KANK1: variants seen among roughly 807,000 people sequenced by gnomAD.
KANK1 encodes KN motif and ankyrin repeat domain-containing protein 1.
A neutral mutation model predicts 106.2 loss-of-function variants in KANK1; 109 were observed. That is an observed-to-expected ratio of 1.03 (90% confidence interval 0.88 to 1.20). The LOEUF (loss-of-function observed/expected upper bound fraction) is 1.20, where lower values mean the gene tolerates loss of function less well. KANK1 is among the 50% of genes most tolerant of loss of function. The pLI, the probability that KANK1 is intolerant of heterozygous loss-of-function variation, is 0.00. For synonymous variants in KANK1, 873 were observed against 652.2 expected, an observed-to-expected ratio of 1.34 and a Z score of -5.16; for missense variants, 2,399 against 1,710.7, an observed-to-expected ratio of 1.40 and a Z score of -7.10.
At chr9:529,149 C>T (rs1462010619) in intron 1 of KANK1, among the ~76,000 whole-genome samples, 3 of 151,814 alleles carry the variant, frequency 2.0e-5, no homozygotes, top group Non-Finnish European at 4.4e-5. Flanking sequence ...AAGCCACCCA[C>T]TTCCTGTACT....
chr9:592,801 T>C (rs1825297124), intron 1 of KANK1, among the ~76,000 whole-genome samples: 3 of 151,966 alleles, frequency 2.0e-5, no homozygotes, highest in Admixed American at 2.0e-4. Context: ...TAGAGAGTCC[T>C]TACTCAAAGT....
intron 3 of KANK1, among the ~76,000 whole-genome samples, chr9:485,880 A>G (rs2058285066): frequency 6.6e-6 from 1 of 150,892 alleles, no homozygotes; most frequent in Non-Finnish European, 1.5e-5. Context: ...AAAAAAAAAA[A>G]AAAAAAGAAA....
chr9:540,209 T>C (rs540252147), intron 1 of KANK1, among the ~76,000 whole-genome samples: 5 of 152,364 alleles, frequency 3.3e-5, no homozygotes, highest in Non-Finnish European at 7.4e-5. Flanking sequence ...GTCCATTCTT[T>C]ATACCTAATC....
intron 2 of KANK1, among the ~76,000 whole-genome samples, chr9:681,386 G>A (rs1563978909): frequency 2.0e-5 from 3 of 152,152 alleles, no homozygotes; most frequent in Admixed American, 6.5e-5. Context: ...TCTTTGGGGT[G>A]TAGGGATGAG....
At chr9:593,346 G>T (rs1481753590) in intron 1 of KANK1, among the ~76,000 whole-genome samples, 1 of 151,516 alleles carries the variant, frequency 6.6e-6, no homozygotes, top group Non-Finnish European at 1.5e-5. Context: ...AAGGATTCTT[G>T]TATCCCACTT....
chr9:632,772 C>G (rs1254549462), intron 1 of KANK1, among the ~76,000 whole-genome samples: 1 of 150,838 alleles, frequency 6.6e-6, no homozygotes, highest in Non-Finnish European at 1.5e-5. Flanking sequence ...TCACTGCAGC[C>G]TACACCTCCT....
chr9:615,595 C>G (rs1268175375), intron 1 of KANK1, among the ~76,000 whole-genome samples: 2 of 152,198 alleles, frequency 1.3e-5, no homozygotes, highest in Non-Finnish European at 2.9e-5. Context: ...AGCACAGAGT[C>G]AGTCCCATAG....
chr9:533,909 C>T (rs1166312495), intron 1 of KANK1, among the ~76,000 whole-genome samples: 1 of 152,216 alleles, frequency 6.6e-6, no homozygotes, highest in Non-Finnish European at 1.5e-5. Context: ...CCACCAGGCA[C>T]ATTATCTTTT....
At chr9:530,862 C>T (rs1299919592) in intron 1 of KANK1, among the ~76,000 whole-genome samples, 1 of 152,092 alleles carries the variant, frequency 6.6e-6, no homozygotes, top group African/African-American at 2.4e-5. Context: ...GTGGGGCATG[C>T]CTGTAGTTCC....
intron 1 of KANK1, among the ~76,000 whole-genome samples, chr9:508,749 G>C (rs2058892371): frequency 6.8e-6 from 1 of 146,448 alleles, no homozygotes; most frequent in South Asian, 2.1e-4. Flanking sequence ...TCACTGCTGT[G>C]TAATATTCAA....
In KANK1 at chr9:712,119, T is replaced by C. The variant is rs563294067; in HGVS notation, c.1353T>C (p.Ala451=). 332 of 1,614,072 alleles carry C rather than the reference T, an allele frequency of 2.1e-4. 3 individuals carry two copies. In the South Asian group the frequency reaches 3.5e-3, roughly 17 times the overall value. Residue 451 remains alanine, a synonymous_variant, in exon 3 of 12, where the codon GCT becomes GCC. Coordinates refer to ENST00000382297, the MANE Select transcript of KANK1 (RefSeq NM_015158.5). The part of the protein sequence containing the change: ...TEAMLGVMTE[A]DKEIELQQQT... ...CCATGCTTGGAGTGATGACTGAAGC[T>C]GACAAAGAAATTGAGCTGCAACAGC...
intron 3 of KANK1, among the ~76,000 whole-genome samples, chr9:497,354 C>G (rs763843218): frequency 6.6e-5 from 10 of 152,124 alleles, no homozygotes; most frequent in Non-Finnish European, 1.3e-4. Context: ...ATCCAGCTGT[C>G]CCACTGTGCA....
chr9:693,412 T>G, intron 2 of KANK1: 1 of 985,420 alleles, frequency 1.0e-6, no homozygotes, highest in Non-Finnish European at 1.2e-6. Context: ...GCCTTTCTGA[T>G]TTCTTCCTAG....
At chr9:682,717 G>A (rs1334810099) in intron 2 of KANK1, among the ~76,000 whole-genome samples, 1 of 152,118 alleles carries the variant, frequency 6.6e-6, no homozygotes, top group Non-Finnish European at 1.5e-5. Context: ...CTGGGTTAAA[G>A]GGCACAATGT....
At chr9:668,713 G>C (rs1845232458) in intron 1 of KANK1, among the ~76,000 whole-genome samples, 1 of 152,018 alleles carries the variant, frequency 6.6e-6, no homozygotes, top group Admixed American at 6.6e-5. Context: ...TTAAAGAGAT[G>C]ACAGCTTATC....
intron 1 of KANK1, among the ~76,000 whole-genome samples, chr9:651,977 A>G (rs966155616): frequency 6.6e-6 from 1 of 152,208 alleles, no homozygotes; most frequent in African/African-American, 2.4e-5. Context: ...TACTATGTTC[A>G]AAGCAATAAA....
At position 642,602 on chromosome 9, in the gene KANK1, T is replaced by C. The variant is rs776149828; in HGVS notation, c.-83-34288T>C. 1.7e-4 allele frequency among the ~76,000 whole-genome samples: 26 copies of C among 151,076 alleles called. 1 individual carries two copies. The highest frequency in any genetic ancestry group is 3.2e-4 in the Non-Finnish European group (22 of 68,034). ...ACAGAGAGATGGTTTATATTTTTTC[T>C]ATGAATTACCAGCTGATAAAATTCC... is the stretch of plus-strand genomic sequence containing the variant. On this transcript the variant is annotated intron_variant, in intron 1 of 11. Transcript: ENST00000382297.
intron 3 of KANK1, among the ~76,000 whole-genome samples, chr9:496,319 C>T (rs1335514728): frequency 6.6e-6 from 1 of 152,124 alleles, no homozygotes; most frequent in Non-Finnish European, 1.5e-5. Flanking sequence ...TCTAGGAGGC[C>T]GAGGCGAGCG....
At chr9:609,044 C>A (rs151217292) in intron 1 of KANK1, among the ~76,000 whole-genome samples, 2 of 151,820 alleles carry the variant, frequency 1.3e-5, no homozygotes, top group African/African-American at 4.8e-5. Context: ...CCTGCAAGAT[C>A]GTTGAAAATC....
Sources: gnomAD v4.1 joint callset for allele counts (sites outside exome capture counted in the v4.1 genomes callset) on GRCh38, gnomAD v4.1.1 for gene constraint, MANE v1.5 for transcripts, NCBI Gene and HGNC (gene_info 2026-07-23, HGNC 2026-07-21) for gene names.